Variants in REXO5 observed in about 807,000 individuals in gnomAD.
The protein encoded by REXO5 is RNA exonuclease 5.
A neutral mutation model predicts 88.5 loss-of-function variants in REXO5; 48 were observed. The observed-to-expected ratio is 0.54, with a 90% CI of 0.43 to 0.69. REXO5 has a LOEUF of 0.69. Ranked by LOEUF, REXO5 falls within the 30% of genes least tolerant of loss-of-function variation. The pLI is 0.00. For synonymous variants in REXO5, 311 were observed against 336.5 expected (o/e 0.92, Z 0.83); for missense variants, 749 against 912.2 (o/e 0.82, Z 2.30).
intron 13 of REXO5, among the ~76,000 whole-genome samples, chr16:20,835,022 T>C (rs967955904): frequency 6.6e-6 from 1 of 152,208 alleles, no homozygotes; most frequent in Non-Finnish European, 1.5e-5. Flanking sequence ...ATGCCAGACA[T>C]AGTGAATTTT....
At position 20,825,902 on chromosome 16, in the gene REXO5, G is replaced by A. The variant is rs1209819673; in HGVS notation, c.775G>A (p.Asp259Asn). 6.2e-7 allele frequency: 1 copy of A among 1,613,988 alleles called. No homozygotes were observed. Among genetic ancestry groups the A allele is most frequent in the South Asian group, 1.1e-5 (1 of 91,008 alleles). The change falls in exon 8 of 20, where the codon GAT (aspartate) becomes AAT (asparagine). Residue 259 changes from aspartate to asparagine, a missense_variant. Physicochemically the swap from Asp to Asn is conservative, Grantham distance 23. Coordinates refer to ENST00000261377, the MANE Select transcript of REXO5 (RefSeq NM_030941.3). ...LVAEGGCCVM[D>N]ELVKPENKIL... ...TGCTGAAGGAGGCTGCTGTGTTATG[G>A]ATGAACTGGTCAAACCTGAAAACAA...
intron 13 of REXO5, among the ~76,000 whole-genome samples, chr16:20,835,050 A>G (rs2081404975): frequency 6.6e-6 from 1 of 152,140 alleles, no homozygotes; most frequent in Non-Finnish European, 1.5e-5. Context: ...TGGGTGCTAT[A>G]TATTTTTGTA....
upstream of REXO5, chr16:20,806,436 A>G (rs1596556528): frequency 2.6e-6 from 4 of 1,552,882 alleles, no homozygotes; most frequent in East Asian, 7.3e-5. Context: ...GCCATTCCCG[A>G]CACTCCTTGC....
chr16:20,828,541 A>G lies in REXO5; in HGVS notation c.1158+4A>G. 1.3e-6 allele frequency: 2 copies of G among 1,594,566 alleles called. No individual in the cohort carries two copies. The highest frequency in any genetic ancestry group is 1.1e-5 in the South Asian group (1 of 90,672). ...CCTTAAGCATGGCCCAAAAAAGGTT[A>G]GTATCTTTGCCCAGTGTGTTCACCT... On this transcript the variant is annotated splice_donor_region_variant and intron_variant, in intron 11 of 19. Coordinates refer to ENST00000261377, the MANE Select transcript of REXO5 (RefSeq NM_030941.3).
chr16:20,848,001 C>T (rs909318637), intron 19 of REXO5, among the ~76,000 whole-genome samples: 4 of 152,150 alleles, frequency 2.6e-5, no homozygotes, highest in Admixed American at 6.5e-5. Flanking sequence ...GACAAAGGTC[C>T]TAAGTTTGAC....
chr16:20,848,034 C>A (rs60486346), intron 19 of REXO5, among the ~76,000 whole-genome samples: 1 of 152,076 alleles, frequency 6.6e-6, no homozygotes, highest in Non-Finnish European at 1.5e-5. Context: ...TTAAGCACCC[C>A]CTGGAAGCAG....
At chr16:20,825,197 C>T (rs989298226) in intron 7 of REXO5, among the ~76,000 whole-genome samples, 1 of 152,084 alleles carries the variant, frequency 6.6e-6, no homozygotes, top group Non-Finnish European at 1.5e-5. Context: ...CTTAAGTTCC[C>T]CTCGTGCTTT....
rs201067067 is a variant in REXO5 at position 20,832,980 on chromosome 16, T to C, written c.1263-23T>C. 84 of 1,604,078 alleles carry C rather than the reference T, an allele frequency of 5.2e-5. No individual in the cohort carries two copies. In the East Asian group the frequency reaches 1.3e-3, roughly 24 times the overall value. ...GTTCTGGAAAACTGTTGTTCTTACC[T>C]TAACTCTTCTACTTCTTTATAGTGT... On this transcript the variant is annotated intron_variant, in intron 12 of 19. Coordinates refer to ENST00000261377, the MANE Select transcript of REXO5 (RefSeq NM_030941.3).
intron 14 of REXO5, 68 bp downstream of exon 14, chr16:20,839,927 G>A (rs1458953896): frequency 1.1e-6 from 1 of 903,490 alleles, no homozygotes; most frequent in African/African-American, 1.7e-5. Context: ...ATTAAGGAAA[G>A]TAATACATGC....
intron 18 of REXO5, among the ~76,000 whole-genome samples, chr16:20,845,685 C>G (rs1236009860): frequency 6.6e-6 from 1 of 151,896 alleles, no homozygotes; most frequent in East Asian, 1.9e-4. Flanking sequence ...TATACAATAA[C>G]TACATTGAGC....
At chr16:20,808,602 T>C (rs768092828) in intron 2 of REXO5, among the ~76,000 whole-genome samples, 1 of 150,772 alleles carries the variant, frequency 6.6e-6, no homozygotes, top group Non-Finnish European at 1.5e-5. Flanking sequence ...AGAGAGGGAT[T>C]AGGGATGTGA....
chr16:20,825,570 C>T (rs765813092), intron 7 of REXO5: 1 of 391,164 alleles, frequency 2.6e-6, no homozygotes, highest in Non-Finnish European at 4.6e-6. Context: ...GTACACACTC[C>T]ATAAATGGTA....
At chr16:20,830,029 A>C (rs560347253) in intron 11 of REXO5, among the ~76,000 whole-genome samples, 17 of 152,326 alleles carry the variant, frequency 1.1e-4, no homozygotes, top group Non-Finnish European at 1.8e-4. Flanking sequence ...TTACAAAAAA[A>C]TATGTATTGG....
upstream of REXO5, chr16:20,806,432 C>A (rs2080875315): frequency 1.9e-6 from 3 of 1,553,322 alleles, no homozygotes; most frequent in African/African-American, 2.7e-5. Flanking sequence ...GGTCGCCATT[C>A]CCGACACTCC....
At chr16:20,828,930 C>G (rs1188670774) in intron 11 of REXO5, among the ~76,000 whole-genome samples, 1 of 140,424 alleles carries the variant, frequency 7.1e-6, no homozygotes, top group Non-Finnish European at 1.5e-5. Context: ...GGTGACAGAG[C>G]AAGACTTCAT....
Position 20,813,185 on chromosome 16 carries a change from T to A in REXO5, c.139-5T>A. The A allele has an allele frequency of 6.3e-7, 1 of 1,596,980 alleles. No homozygotes were observed. ...GGCTTGCTACGCCCTGATTAATCTT[T>A]GCAGAAAGCCCGCTTATCTACCATT... On this transcript the variant is annotated splice_polypyrimidine_tract_variant and splice_region_variant and intron_variant, in intron 2 of 19. Coordinates refer to ENST00000261377, the MANE Select transcript of REXO5 (RefSeq NM_030941.3).
intron 12 of REXO5, 85 bp from the exon 13 acceptor site, chr16:20,832,918 A>C: frequency 7.8e-7 from 1 of 1,282,452 alleles, no homozygotes; most frequent in South Asian, 1.5e-5. Context: ...AGTGGCTACC[A>C]TATTGTATAA....
intron 19 of REXO5, among the ~76,000 whole-genome samples, chr16:20,847,676 ATACTT>A (rs909357068): frequency 1.3e-5 from 2 of 152,184 alleles, no homozygotes; most frequent in African/African-American, 4.8e-5. Flanking sequence ...TTAGACCAAC[ATACTT>A]TAAACAGGCT....
intron 6 of REXO5, among the ~76,000 whole-genome samples, chr16:20,823,978 T>C (rs1158115281): frequency 2.0e-5 from 3 of 152,230 alleles, no homozygotes; most frequent in Admixed American, 2.0e-4. Flanking sequence ...TTCTTCCTAC[T>C]ATGAAATCCT....
Sources: gnomAD v4.1 joint callset for allele counts (sites outside exome capture counted in the v4.1 genomes callset) on GRCh38, gnomAD v4.1.1 for gene constraint, MANE v1.5 for transcripts, NCBI Gene and HGNC (gene_info 2026-07-23, HGNC 2026-07-21) for gene names.